Variants in GNAO1 observed in about 807,000 individuals in gnomAD.
The protein encoded by GNAO1 is G protein subunit alpha o1.
For missense variants in GNAO1, 166 were observed against 478.7 expected, an observed-to-expected ratio of 0.35 and a Z score of 6.10; for synonymous variants, 164 against 180.7, an observed-to-expected ratio of 0.91 and a Z score of 0.74.
intron 2 of GNAO1, among the ~76,000 whole-genome samples, chr16:56,265,963 G>A (rs559756823): frequency 1.3e-5 from 2 of 152,146 alleles, no homozygotes; most frequent in East Asian, 1.9e-4. Context: ...GTGCCCCGGG[G>A]CCTTTGCTCT....
chr16:56,209,268 T>C (rs1259248194), intron 2 of GNAO1, among the ~76,000 whole-genome samples: 9 of 152,262 alleles, frequency 5.9e-5, no homozygotes, highest in Non-Finnish European at 1.3e-4. Flanking sequence ...GTTAAACATG[T>C]ATGTGATAAG....
At chr16:56,316,417 C>T (rs1216557028) in intron 3 of GNAO1, among the ~76,000 whole-genome samples, 1 of 152,174 alleles carries the variant, frequency 6.6e-6, no homozygotes, top group African/African-American at 2.4e-5. Context: ...TGCTTGAGCC[C>T]CTGAGCCATC....
chr16:56,251,058 C>T (rs1025374960), intron 2 of GNAO1, among the ~76,000 whole-genome samples: 2 of 152,212 alleles, frequency 1.3e-5, no homozygotes, highest in Non-Finnish European at 2.9e-5. Context: ...AGTCTAAGAT[C>T]TCACATTTTT....
rs561952296 is a variant in GNAO1, at chr16:56,203,004, G to A, written c.161+10388G>A. ...GGGTTACACCTTTAGGGGAGGCCTCGTACTGATCACAGAGGGATCCAATTT... is the reference window on the plus strand; with the variant it reads ...GGGTTACACCTTTAGGGGAGGCCTCATACTGATCACAGAGGGATCCAATTT... On this transcript the variant is annotated intron_variant, in intron 2 of 8. Coordinates refer to ENST00000262493, the MANE Select transcript of GNAO1 (RefSeq NM_020988.3). Among the ~76,000 whole-genome samples, 27 of 152,276 alleles carry A rather than the reference G, an allele frequency of 1.8e-4. No homozygotes were observed. The South Asian group carries it at 2.9e-3, about 16-fold the overall frequency.
chr16:56,345,110 T>C, intron 6 of GNAO1: 1 of 985,630 alleles, frequency 1.0e-6, no homozygotes, highest in Non-Finnish European at 1.2e-6. Flanking sequence ...GAGGCTTCAC[T>C]GCGGAGATCC....
chr16:56,253,383 G>A (rs2036817299), intron 2 of GNAO1, among the ~76,000 whole-genome samples: 1 of 152,216 alleles, frequency 6.6e-6, no homozygotes, highest in Non-Finnish European at 1.5e-5. Context: ...GTGACCTTGA[G>A]CAGGTCCCAT....
At chr16:56,297,570 T>C (rs1390651863) in intron 3 of GNAO1, among the ~76,000 whole-genome samples, 5 of 140,694 alleles carry the variant, frequency 3.6e-5, no homozygotes, top group African/African-American at 1.3e-4. Context: ...TGTGTGTGTG[T>C]GTATGCATGT....
Position 56,191,996 on chromosome 16 carries a change from C to A in GNAO1, c.-240C>A, listed in dbSNP as rs1453650478. The A allele has an allele frequency of 3.7e-6, 2 of 545,852 alleles. No homozygotes were observed. Among genetic ancestry groups the A allele is most frequent in the Non-Finnish European group, 6.5e-6 (2 of 309,514 alleles). The allele number at this position is 545,852 out of a possible 1,614,324, so 33.8% of individuals were successfully genotyped here. On this transcript the variant is annotated 5_prime_UTR_variant, in exon 1 of 9. Coordinates refer to ENST00000262493, the MANE Select transcript of GNAO1 (RefSeq NM_020988.3). The surrounding 1 kb of genome is among the most constrained non-coding windows in gnomAD (Gnocchi z 4.7). ...TCCGGAGCCCCAGACCCCGGCCACC[C>A]TCGATTCGACAACCCCAGACCCCTG...
chr16:56,324,894 G>A (rs942072166), intron 3 of GNAO1, among the ~76,000 whole-genome samples: 2 of 152,262 alleles, frequency 1.3e-5, no homozygotes. Flanking sequence ...CCCTTCTGCA[G>A]TGGACAGGCT....
intron 3 of GNAO1, among the ~76,000 whole-genome samples, chr16:56,291,910 A>G (rs1328265289): frequency 6.6e-6 from 1 of 152,176 alleles, no homozygotes; most frequent in Non-Finnish European, 1.5e-5. Context: ...CAACACTCTT[A>G]TGATCTAATT....
intron 6 of GNAO1, chr16:56,345,583 C>T (rs1202652940): frequency 2.9e-5 from 29 of 985,388 alleles, no homozygotes; most frequent in Admixed American, 6.1e-5. Context: ...CTCTGGCAGC[C>T]GGACTGCAGG....
intron 6 of GNAO1, among the ~76,000 whole-genome samples, chr16:56,341,203 C>G (rs2143677131): frequency 1.3e-5 from 2 of 152,248 alleles, no homozygotes; most frequent in Non-Finnish European, 2.9e-5. Flanking sequence ...CTGGCTCTGC[C>G]ACTTACGAGC....
intron 6 of GNAO1, chr16:56,344,959 G>T: frequency 1.0e-6 from 1 of 982,418 alleles, no homozygotes; most frequent in Non-Finnish European, 1.2e-6. Context: ...TTTGTTCACA[G>T]CCGTTGGTGT....
chr16:56,347,660 C>T, intron 6 of GNAO1: 1 of 986,028 alleles, frequency 1.0e-6, no homozygotes, highest in Non-Finnish European at 1.2e-6. Flanking sequence ...TCCCCAGGCC[C>T]AGTGCACAAG....
intron 2 of GNAO1, among the ~76,000 whole-genome samples, chr16:56,212,772 T>C (rs1424748223): frequency 2.0e-5 from 3 of 152,220 alleles, no homozygotes; most frequent in Non-Finnish European, 4.4e-5. Flanking sequence ...CTCAGAGTTC[T>C]TCATTGTGCT....
At chr16:56,216,718 C>G (rs1261011712) in intron 2 of GNAO1, among the ~76,000 whole-genome samples, 1 of 152,160 alleles carries the variant, frequency 6.6e-6, no homozygotes, top group African/African-American at 2.4e-5. Flanking sequence ...CCTCCAAGCC[C>G]AGCTTATTTC....
chr16:56,315,503 G>C (rs1463203492), intron 3 of GNAO1, among the ~76,000 whole-genome samples: 1 of 152,164 alleles, frequency 6.6e-6, no homozygotes, highest in Non-Finnish European at 1.5e-5. Flanking sequence ...GTGCCTGCTT[G>C]GTGGTGCAGC....
chr16:56,279,927 C>A (rs1416166670), intron 3 of GNAO1, among the ~76,000 whole-genome samples: 1 of 152,264 alleles, frequency 6.6e-6, no homozygotes, highest in East Asian at 1.9e-4. Flanking sequence ...CACCTCCTCA[C>A]TCCAGCAGCC....
At chr16:56,346,543 G>A in intron 6 of GNAO1, 3 of 985,414 alleles carry the variant, frequency 3.0e-6, no homozygotes, top group Non-Finnish European at 3.6e-6. Flanking sequence ...TTCCCTCTGA[G>A]CACTGATAGA....
Sources: allele counts gnomAD v4.1 joint callset (sites outside exome capture counted in the v4.1 genomes callset), GRCh38; gene constraint gnomAD v4.1.1; non-coding constraint Gnocchi (gnomAD v3.1); transcripts MANE v1.5; gene names NCBI Gene and HGNC (gene_info 2026-07-23, HGNC 2026-07-21).